The following DLG2 variants were observed in gnomAD, a reference collection of about 807,000 sequenced individuals.
DLG2 encodes disks large homolog 2.
A neutral mutation model predicts 132.5 loss-of-function variants in DLG2; 45 were observed. The observed-to-expected ratio is 0.34, with a 90% confidence interval of 0.27 to 0.44. The LOEUF is 0.44. Among genes scored for constraint, DLG2 ranks in the 20% least tolerant of loss-of-function variants. DLG2 has a pLI of 1.00. For synonymous variants in DLG2, 424 were observed against 419.6 expected (o/e 1.01, Z -0.13); for missense variants, 1,045 against 1,196.9 (o/e 0.87, Z 1.87).
chr11:85,583,921 AT>A (rs1407695643), intron 3 of DLG2, among the ~76,000 whole-genome samples: 2 of 152,122 alleles, frequency 1.3e-5, no homozygotes, highest in Non-Finnish European at 2.9e-5. Flanking sequence ...TGTGTTTATG[AT>A]TTTTTTAGAT....
intron 7 of DLG2, among the ~76,000 whole-genome samples, chr11:84,292,287 G>C (rs2098012841): frequency 1.3e-5 from 2 of 152,116 alleles, no homozygotes; most frequent in African/African-American, 4.8e-5. Flanking sequence ...GTTACCAGTG[G>C]AGAGACTTCT....
intron 19 of DLG2, among the ~76,000 whole-genome samples, chr11:83,573,205 A>G (rs1195031994): frequency 6.6e-6 from 1 of 152,200 alleles, no homozygotes; most frequent in African/African-American, 2.4e-5. Context: ...AAGTTATGTA[A>G]CATGTGATTT....
chr11:83,612,208 T>TAGAGC, intron 19 of DLG2, among the ~76,000 whole-genome samples: 1 of 152,308 alleles, frequency 6.6e-6, no homozygotes, highest in South Asian at 2.1e-4. Flanking sequence ...ATACAGGCAC[T>TAGAGC]AGAGCAGAGT....
chr11:83,518,239 C>G (rs1003887523), intron 21 of DLG2, among the ~76,000 whole-genome samples: 1 of 152,222 alleles, frequency 6.6e-6, no homozygotes, highest in African/African-American at 2.4e-5. Flanking sequence ...CCTCCCCCAG[C>G]CTTGCTGCCA....
intron 3 of DLG2, among the ~76,000 whole-genome samples, chr11:85,340,763 T>C (rs567428253): frequency 2.6e-5 from 4 of 152,232 alleles, no homozygotes; most frequent in Non-Finnish European, 2.9e-5. Flanking sequence ...TGTCATGCAA[T>C]TGGTAGTCAA....
chr11:83,988,167 C>T (rs1311772743), intron 11 of DLG2, among the ~76,000 whole-genome samples: 3 of 151,904 alleles, frequency 2.0e-5, no homozygotes, highest in Non-Finnish European at 2.9e-5. Flanking sequence ...TGTTTGCTTT[C>T]GTTGCAATTA....
At chr11:85,360,337 C>T (rs2084049842) in intron 3 of DLG2, among the ~76,000 whole-genome samples, 1 of 152,158 alleles carries the variant, frequency 6.6e-6, no homozygotes, top group South Asian at 2.1e-4. Flanking sequence ...GTTTCCTCAC[C>T]TGTAGGAGGA....
chr11:84,548,146 T>C (rs1002238784), intron 6 of DLG2, among the ~76,000 whole-genome samples: 5 of 152,028 alleles, frequency 3.3e-5, no homozygotes, highest in South Asian at 2.1e-4. Context: ...AGTAAAAGAG[T>C]TGACAGAAAG....
chr11:85,459,601 A>C (rs1386553923), intron 3 of DLG2, among the ~76,000 whole-genome samples: 1 of 152,026 alleles, frequency 6.6e-6, no homozygotes, highest in Non-Finnish European at 1.5e-5. Flanking sequence ...GTAAAGAGTA[A>C]GGGGTGGGAG....
At chr11:85,016,668 G>A (rs984416519) in intron 6 of DLG2, among the ~76,000 whole-genome samples, 7 of 152,068 alleles carry the variant, frequency 4.6e-5, no homozygotes, top group East Asian at 3.9e-4. Flanking sequence ...ACTCAGCTAC[G>A]CACTGTCCTT....
At chr11:84,883,975 T>C (rs928595645) in intron 6 of DLG2, among the ~76,000 whole-genome samples, 14 of 152,102 alleles carry the variant, frequency 9.2e-5, no homozygotes, top group Non-Finnish European at 1.9e-4. Context: ...CAAAACACTA[T>C]GCATTATCCT....
rs1294456727 is a variant in DLG2 at position 85,534,657 on chromosome 11, T to C, written c.40+64000A>G. 2.0e-5 allele frequency among the ~76,000 whole-genome samples: 3 copies of C among 152,228 alleles called. No individual in the cohort carries two copies. The East Asian group carries it at 5.8e-4, about 29-fold the overall frequency. On this transcript the variant is annotated intron_variant, in intron 3 of 27. Coordinates refer to ENST00000376104, the MANE Select transcript of DLG2 (RefSeq NM_001142699.3). ...ATAAGGGCCTCCAGCTGCATCCATG[T>C]TGCCACAAAGAACATGATTATAGCT... is the stretch of plus-strand genomic sequence containing the variant.
Position 85,019,520 on chromosome 11 carries a change from G to C in DLG2, c.357+92141C>G, listed in dbSNP as rs569147328. The stretch of plus-strand genomic sequence containing the variant: ...GTTCTGGGGTACTTGTGCACAATGT[G>C]CAGGTTTGTTACATATGTATATATG... On this transcript the variant is annotated intron_variant, in intron 6 of 27. Coordinates refer to ENST00000376104, the MANE Select transcript of DLG2 (RefSeq NM_001142699.3). 2.0e-5 allele frequency among the ~76,000 whole-genome samples: 3 copies of C among 152,024 alleles called. No individual in the cohort carries two copies. The South Asian group carries it at 6.2e-4, about 32-fold the overall frequency.
rs376895927 is a variant in DLG2 at position 84,883,083 on chromosome 11, G to C, written c.357+228578C>G. ...CCAAATGCCCATCAATGATAGACTG[G>C]ATAAATAAAATGTGGCACATATACA... On this transcript the variant is annotated intron_variant, in intron 6 of 27. Coordinates refer to ENST00000376104, the MANE Select transcript of DLG2 (RefSeq NM_001142699.3). Among the ~76,000 whole-genome samples, 9 of 152,190 alleles carry C rather than the reference G, an allele frequency of 5.9e-5. No individual in the cohort carries two copies. The East Asian group carries it at 1.4e-3, about 23-fold the overall frequency.
At chr11:84,444,817 T>C (rs141492008) in intron 7 of DLG2, among the ~76,000 whole-genome samples, 2 of 144,684 alleles carry the variant, frequency 1.4e-5, no homozygotes, top group Non-Finnish European at 3.0e-5. Flanking sequence ...TTTTTTTTTT[T>C]CTTTGAGACA....
chr11:85,438,487 C>T (rs1186370521), intron 3 of DLG2, among the ~76,000 whole-genome samples: 1 of 152,068 alleles, frequency 6.6e-6, no homozygotes, highest in Non-Finnish European at 1.5e-5. Context: ...ATATCCATTA[C>T]TTTTAATAGC....
intron 3 of DLG2, among the ~76,000 whole-genome samples, chr11:85,517,328 A>G (rs2094189152): frequency 6.6e-6 from 1 of 152,172 alleles, no homozygotes; most frequent in Admixed American, 6.6e-5. Context: ...CCAATGTCAT[A>G]CTGAATGTGG....
At chr11:84,252,202 T>G (rs190740748) in intron 7 of DLG2, among the ~76,000 whole-genome samples, 6 of 135,596 alleles carry the variant, frequency 4.4e-5, no homozygotes, top group African/African-American at 1.4e-4. Context: ...CATGCTGGAG[T>G]GTGCAGTGGT....
intron 5 of DLG2, among the ~76,000 whole-genome samples, chr11:85,145,439 C>T (rs938113523): frequency 6.6e-6 from 1 of 152,064 alleles, no homozygotes; most frequent in Non-Finnish European, 1.5e-5. Flanking sequence ...TTTATTTCCT[C>T]CTTAAGGTCA....
Sources: allele counts gnomAD v4.1 joint callset (sites outside exome capture counted in the v4.1 genomes callset), GRCh38; gene constraint gnomAD v4.1.1; transcripts MANE v1.5; gene names NCBI Gene and HGNC (gene_info 2026-07-23, HGNC 2026-07-21).